LRRC37A2: variants seen among roughly 807,000 people sequenced by gnomAD.
LRRC37A2 encodes leucine rich repeat containing 37 member A2.
A neutral mutation model predicts 68.8 loss-of-function variants in LRRC37A2; 9 were observed. That is an observed-to-expected ratio of 0.13 (90% CI 0.08 to 0.23). The LOEUF is 0.23. LRRC37A2 is among the 10% of genes least tolerant of loss of function. The pLI, the probability that LRRC37A2 is intolerant of heterozygous loss-of-function variation, is 1.00. For synonymous variants in LRRC37A2, 63 were observed against 367.6 expected (o/e 0.17, Z 9.48); for missense variants, 168 against 950.4 (o/e 0.18, Z 10.82).
the LRRC37A2 span, among the ~76,000 whole-genome samples, chr17:46,889,883 A>G: frequency 6.6e-6 from 1 of 152,240 alleles, no homozygotes. Context: ...ATCATCTGTA[A>G]AATGAGGATC....
chr17:46,751,343 G>A, the LRRC37A2 span, among the ~76,000 whole-genome samples: 77 of 152,296 alleles, frequency 5.1e-4, no homozygotes, highest in Non-Finnish European at 5.9e-5. Flanking sequence ...AATGGGTTTA[G>A]GATGGTGAAG....
At chr17:46,884,380 C>T in the LRRC37A2 span, among the ~76,000 whole-genome samples, 14 of 152,218 alleles carry the variant, frequency 9.2e-5, no homozygotes, top group Non-Finnish European at 1.8e-4. Context: ...CCGCCCCACA[C>T]CCAGCCCCCT....
the LRRC37A2 span, among the ~76,000 whole-genome samples, chr17:46,766,229 C>T: frequency 6.6e-6 from 1 of 151,986 alleles, no homozygotes; most frequent in Non-Finnish European, 1.5e-5. Flanking sequence ...GCCAGCATGG[C>T]GAAACCCGTC....
At chr17:46,679,692 CAAAAAAA>C in the LRRC37A2 span, among the ~76,000 whole-genome samples, 1 of 101,522 alleles carries the variant, frequency 9.9e-6, no homozygotes, top group African/African-American at 4.2e-5. Context: ...AACTCCATGT[CAAAAAAA>C]AAAAAAAGAA....
chr17:47,028,299 A>G, the LRRC37A2 span: 3 of 1,509,234 alleles, frequency 2.0e-6, no homozygotes, highest in Non-Finnish European at 1.8e-6. Context: ...TTGCAATGTA[A>G]TTACAGAACT....
chr17:46,726,643 A>G, the LRRC37A2 span: 2 of 1,591,984 alleles, frequency 1.3e-6, no homozygotes, highest in Non-Finnish European at 1.7e-6. Flanking sequence ...CTGTTGTATT[A>G]TCTTTGCCAC....
chr17:46,997,982 A>G, the LRRC37A2 span, among the ~76,000 whole-genome samples: 3 of 152,056 alleles, frequency 2.0e-5, no homozygotes, highest in Non-Finnish European at 4.4e-5. Flanking sequence ...AAAAAAAAAA[A>G]AAAAAGAATA....
At chr17:47,044,740 T>A in the LRRC37A2 span, among the ~76,000 whole-genome samples, 9 of 151,518 alleles carry the variant, frequency 5.9e-5, no homozygotes, top group African/African-American at 1.9e-4. Context: ...ACCAAAAATT[T>A]TGGGCTCAAG....
the LRRC37A2 span, among the ~76,000 whole-genome samples, chr17:46,973,763 A>G: frequency 0.85 from 129,923 of 152,116 alleles, 55,781 homozygotes; most frequent in Middle Eastern, 0.91. Flanking sequence ...CTCAAGAGAT[A>G]CTACTCGGAA....
At chr17:46,825,953 G>T in the LRRC37A2 span, among the ~76,000 whole-genome samples, 2 of 152,226 alleles carry the variant, frequency 1.3e-5, no homozygotes, top group East Asian at 3.9e-4. Flanking sequence ...AATCCAGGAG[G>T]CGGAGGTTGC....
the LRRC37A2 span, among the ~76,000 whole-genome samples, chr17:46,758,681 T>G: frequency 6.6e-6 from 1 of 152,240 alleles, no homozygotes; most frequent in South Asian, 2.1e-4. Context: ...GTTTTTACTT[T>G]AAGGCTGTCT....
At chr17:46,608,884 G>T in the LRRC37A2 span, among the ~76,000 whole-genome samples, 1 of 152,020 alleles carries the variant, frequency 6.6e-6, no homozygotes, top group Non-Finnish European at 1.5e-5. Context: ...ATGAGCCCGC[G>T]CACCTGGCCT....
chr17:46,781,753 T>A, the LRRC37A2 span, among the ~76,000 whole-genome samples: 3 of 152,144 alleles, frequency 2.0e-5, no homozygotes, highest in African/African-American at 4.8e-5. Context: ...GGAGGGATGG[T>A]GCTTGCATCC....
the LRRC37A2 span, among the ~76,000 whole-genome samples, chr17:46,815,123 T>C: frequency 2.6e-5 from 4 of 152,066 alleles, no homozygotes; most frequent in Non-Finnish European, 5.9e-5. Context: ...ATCGCTGGAA[T>C]GTAGCAGGTG....
chr17:46,929,134 C>T, the LRRC37A2 span, among the ~76,000 whole-genome samples: 9 of 152,106 alleles, frequency 5.9e-5, no homozygotes, highest in Admixed American at 3.9e-4. Flanking sequence ...CACATTAGGT[C>T]GTAGAACAGA....
At chr17:46,867,511 G>A in the LRRC37A2 span, among the ~76,000 whole-genome samples, 12,760 of 152,280 alleles carry the variant, frequency 0.084, 800 homozygotes, top group East Asian at 0.37. Context: ...ACAGCCTTGG[G>A]GCATGAGATC....
the LRRC37A2 span, chr17:46,930,783 T>TA: frequency 3.8e-6 from 1 of 262,346 alleles, no homozygotes; most frequent in Non-Finnish European, 7.3e-6. Flanking sequence ...AAATTTAGCT[T>TA]AAAGTATTTA....
the LRRC37A2 span, among the ~76,000 whole-genome samples, chr17:46,954,674 C>G: frequency 6.6e-6 from 1 of 152,270 alleles, no homozygotes; most frequent in Non-Finnish European, 1.5e-5. Context: ...AATGTTCTTC[C>G]ATTTGTTTGT....
chr17:46,756,869 C>T, the LRRC37A2 span: 19 of 152,724 alleles, frequency 1.2e-4, no homozygotes, highest in African/African-American at 4.3e-4. Flanking sequence ...CTTTACCCTC[C>T]ACACACTTCT....
Sources: allele counts gnomAD v4.1 joint callset (sites outside exome capture counted in the v4.1 genomes callset), GRCh38; gene constraint gnomAD v4.1.1; transcripts MANE v1.5; gene names NCBI Gene and HGNC (gene_info 2026-07-23, HGNC 2026-07-21).